MACROD2: variants seen among roughly 807,000 people sequenced by gnomAD.
MACROD2 encodes mono-ADP ribosylhydrolase 2.
Under a neutral mutation model 70.4 loss-of-function variants are expected in MACROD2, and 36 were observed. The ratio of observed to expected loss-of-function variants is 0.51; its 90% CI spans 0.39 to 0.68. The LOEUF (loss-of-function observed/expected upper bound fraction) is 0.68, where lower values mean the gene tolerates loss of function less well. MACROD2 is among the 30% of genes least tolerant of loss of function. The probability of loss-of-function intolerance (pLI) is 0.00; values close to 1 mark genes in which losing one functional copy is unlikely to be tolerated. For missense variants in MACROD2, 496 were observed against 538.4 expected (o/e 0.92, Z 0.78); for synonymous variants, 172 against 178.8 (o/e 0.96, Z 0.30).
At chr20:14,218,530 G>GGTACCATTGC (rs1368966780) in intron 3 of MACROD2, among the ~76,000 whole-genome samples, 1 of 152,110 alleles carries the variant, frequency 6.6e-6, no homozygotes, top group African/African-American at 2.4e-5. Context: ...TGAAATGTGA[G>GGTACCATTGC]GTACCATTGC....
At chr20:15,612,012 A>C (rs879819070) in intron 8 of MACROD2, among the ~76,000 whole-genome samples, 1 of 151,578 alleles carries the variant, frequency 6.6e-6, no homozygotes, top group Admixed American at 6.6e-5. Flanking sequence ...ATGTTGCAGT[A>C]CTGCCCACAG....
At chr20:15,124,561 A>C (rs555174566) in intron 5 of MACROD2, among the ~76,000 whole-genome samples, 2 of 152,158 alleles carry the variant, frequency 1.3e-5, no homozygotes, top group South Asian at 4.1e-4. Flanking sequence ...AACACTCAAT[A>C]ATAAGCTGCA....
intron 8 of MACROD2, among the ~76,000 whole-genome samples, chr20:15,555,522 C>T (rs1346751054): frequency 6.6e-6 from 1 of 152,090 alleles, no homozygotes; most frequent in Non-Finnish European, 1.5e-5. Context: ...GTTCTGCCCT[C>T]TGCTAGTGCA....
At chr20:15,515,171 C>T (rs996920680) in intron 8 of MACROD2, among the ~76,000 whole-genome samples, 1 of 152,210 alleles carries the variant, frequency 6.6e-6, no homozygotes, top group Admixed American at 6.5e-5. Context: ...TATTATCCAG[C>T]CTGCTGCTCT....
At chr20:15,287,839 T>C (rs1338692892) in intron 6 of MACROD2, among the ~76,000 whole-genome samples, 1 of 152,266 alleles carries the variant, frequency 6.6e-6, no homozygotes, top group Non-Finnish European at 1.5e-5. Flanking sequence ...ATTAAGGAGC[T>C]ATTGGCATTT....
chr20:15,842,723 T>TAGATAGATAGAC (rs1279959772), intron 8 of MACROD2, among the ~76,000 whole-genome samples: 1 of 35,212 alleles, frequency 2.8e-5, no homozygotes, highest in African/African-American at 2.0e-4. Flanking sequence ...GATAGATAGA[T>TAGATAGATAGAC]AGATAGATAG....
chr20:14,594,723 C>T (rs923646658), intron 4 of MACROD2, among the ~76,000 whole-genome samples: 5 of 152,136 alleles, frequency 3.3e-5, no homozygotes, highest in African/African-American at 9.7e-5. Context: ...GAAACCCTGT[C>T]TCTATTAAAA....
At chr20:14,118,644 A>G (rs2148690277) in intron 3 of MACROD2, among the ~76,000 whole-genome samples, 1 of 152,258 alleles carries the variant, frequency 6.6e-6, no homozygotes, top group African/African-American at 2.4e-5. Flanking sequence ...GACAACTTAC[A>G]CAGACTTTTC....
intron 5 of MACROD2, among the ~76,000 whole-genome samples, chr20:14,853,028 T>A (rs1362463137): frequency 6.6e-6 from 1 of 152,060 alleles, no homozygotes; most frequent in Admixed American, 6.5e-5. Context: ...GTGAAGGGCC[T>A]GGTCATAGAA....
At chr20:14,058,707 G>A (rs1445871929) in intron 2 of MACROD2, among the ~76,000 whole-genome samples, 2 of 147,194 alleles carry the variant, frequency 1.4e-5, no homozygotes, top group African/African-American at 5.1e-5. Context: ...GCAGTGGCGT[G>A]ATCTCGGCTC....
At position 14,743,694 on chromosome 20, in the gene MACROD2, G is replaced by A. The variant is rs550898656; in HGVS notation, c.418+58735G>A. Among the ~76,000 whole-genome samples the A allele has an allele frequency of 4.9e-4, 75 of 152,232 alleles. 1 individual carries two copies. The highest frequency in any genetic ancestry group is 1.6e-3 in the African/African-American group (66 of 41,532). ...AGAGCAATAGAAAATTAATACACGCGATAGTAGGTTGAATAATGTCCTTCC... is the reference window on the plus strand; with the variant it reads ...AGAGCAATAGAAAATTAATACACGCAATAGTAGGTTGAATAATGTCCTTCC... On this transcript the variant is annotated intron_variant, in intron 5 of 17. Coordinates refer to ENST00000684519, the MANE Select transcript of MACROD2 (RefSeq NM_001351661.2).
intron 5 of MACROD2, among the ~76,000 whole-genome samples, chr20:14,716,488 G>C (rs16994828): frequency 0.035 from 5,314 of 152,148 alleles, 324 homozygotes; most frequent in African/African-American, 0.12. Context: ...AATTCTTTCT[G>C]CCATTGGTTC....
intron 4 of MACROD2, among the ~76,000 whole-genome samples, chr20:14,528,850 A>G (rs1481792689): frequency 1.3e-5 from 2 of 152,154 alleles, no homozygotes; most frequent in Non-Finnish European, 2.9e-5. Context: ...CTGTAGGTGC[A>G]AGTTATCTAA....
intron 5 of MACROD2, among the ~76,000 whole-genome samples, chr20:15,221,842 T>TA (rs1435342710): frequency 1.3e-5 from 2 of 152,234 alleles, no homozygotes; most frequent in Admixed American, 1.3e-4. Flanking sequence ...CATTCTCATG[T>TA]AAAAATGGAA....
Position 14,829,840 on chromosome 20 carries a change from T to C in MACROD2, c.418+144881T>C, listed in dbSNP as rs556488324. On this transcript the variant is annotated intron_variant, in intron 5 of 17. Transcript: ENST00000684519. ...TTAATTGTCTACAGACAAAATATCT[T>C]TGGTTCTTTGTTAAACATTTCAAAA... Among the ~76,000 whole-genome samples, 7 of 152,266 alleles carry C rather than the reference T, an allele frequency of 4.6e-5. No homozygotes were observed. The East Asian group carries it at 1.4e-3, about 29-fold the overall frequency.
At chr20:15,394,974 G>A (rs557755238) in intron 6 of MACROD2, among the ~76,000 whole-genome samples, 3 of 152,296 alleles carry the variant, frequency 2.0e-5, no homozygotes, top group African/African-American at 7.2e-5. Flanking sequence ...CATCAAAGGT[G>A]AACCTAGTCT....
chr20:15,356,329 T>TCC (rs1301130566), intron 6 of MACROD2, among the ~76,000 whole-genome samples: 6 of 152,180 alleles, frequency 3.9e-5, no homozygotes, highest in Non-Finnish European at 7.4e-5. Flanking sequence ...CTGGCATAAG[T>TCC]ATAGTAAGGA....
intron 8 of MACROD2, among the ~76,000 whole-genome samples, chr20:15,505,467 G>A (rs749131757): frequency 6.6e-6 from 1 of 152,068 alleles, no homozygotes; most frequent in South Asian, 2.1e-4. Flanking sequence ...CAGAAACCCA[G>A]CGTTCTAGGA....
intron 13 of MACROD2, among the ~76,000 whole-genome samples, chr20:15,968,745 CA>C (rs547451050): frequency 2.2e-5 from 3 of 134,100 alleles, no homozygotes; most frequent in South Asian, 4.7e-4. Flanking sequence ...GACAACTAGA[CA>C]AAAAATACAT....
Sources: allele counts gnomAD v4.1 joint callset (sites outside exome capture counted in the v4.1 genomes callset), GRCh38; gene constraint gnomAD v4.1.1; transcripts MANE v1.5; gene names NCBI Gene and HGNC (gene_info 2026-07-23, HGNC 2026-07-21).